Variants in ARHGAP42 observed in about 807,000 individuals in gnomAD.
ARHGAP42 encodes Rho GTPase activating protein 42.
ARHGAP42 carries 63 observed loss-of-function variants against 125.0 expected under a neutral mutation model. That is an observed-to-expected ratio of 0.50 (90% CI 0.41 to 0.62). ARHGAP42 has a LOEUF of 0.62. Among genes scored for constraint, ARHGAP42 ranks in the 20% least tolerant of loss-of-function variants. ARHGAP42 has a pLI of 0.00. For synonymous variants in ARHGAP42, 339 were observed against 351.0 expected (o/e 0.97, Z 0.38); for missense variants, 766 against 1,024.2 (o/e 0.75, Z 3.44).
Position 100,992,575 on chromosome 11 carries a change from A to G in ARHGAP42, c.*3774A>G. 1 of 1,614,070 alleles carries G rather than the reference A, an allele frequency of 6.2e-7. No homozygotes were observed. Among genetic ancestry groups the G allele is most frequent in the Non-Finnish European group, 8.5e-7 (1 of 1,179,972 alleles). ...TTCGCAGATGTAATATCGAGTATTCATCAACTGGTCTCAATTTCCTGAACA... is the reference window on the plus strand; with the variant it reads ...TTCGCAGATGTAATATCGAGTATTCGTCAACTGGTCTCAATTTCCTGAACA... On this transcript the variant is annotated 3_prime_UTR_variant, in exon 24 of 24. Transcript: ENST00000298815.
intron 4 of ARHGAP42, among the ~76,000 whole-genome samples, chr11:100,881,999 A>G (rs547703254): frequency 3.7e-4 from 56 of 152,206 alleles, no homozygotes; most frequent in African/African-American, 1.3e-3. Context: ...TTTTTGGAGG[A>G]GTCTGATTTT....
At chr11:100,814,297 C>T (rs1350705736) in intron 3 of ARHGAP42, among the ~76,000 whole-genome samples, 1 of 146,492 alleles carries the variant, frequency 6.8e-6, no homozygotes, top group Admixed American at 7.0e-5. Context: ...GCAGAGGTTG[C>T]AGTGAGCCAA....
chr11:100,756,658 T>G (rs1205858357), intron 1 of ARHGAP42, among the ~76,000 whole-genome samples: 3 of 152,234 alleles, frequency 2.0e-5, no homozygotes, highest in African/African-American at 7.2e-5. Context: ...GAAAGTCTCT[T>G]TTATTTGCAG....
intron 16 of ARHGAP42, 37 bp downstream of exon 16, chr11:100,962,504 T>C (rs1857981381): frequency 6.8e-7 from 1 of 1,477,388 alleles, no homozygotes; most frequent in Non-Finnish European, 9.2e-7. Flanking sequence ...TTATAATTGA[T>C]GTAGTTTTAT....
In ARHGAP42 at chr11:100,771,874, A is replaced by G. The variant is rs149534922; in HGVS notation, c.250+1436A>G. On this transcript the variant is annotated intron_variant, in intron 2 of 23. Transcript: ENST00000298815. ...CTTGGCCTCCCAAAGTGCTAGGATTACAGACGTGAGCCACTGCGCCCGGCT... is the reference window on the plus strand; with the variant it reads ...CTTGGCCTCCCAAAGTGCTAGGATTGCAGACGTGAGCCACTGCGCCCGGCT... 3.3e-3 allele frequency among the ~76,000 whole-genome samples: 500 copies of G among 152,210 alleles called. 2 individuals carry two copies. The highest frequency in any genetic ancestry group is 3.5e-3 in the Non-Finnish European group (237 of 68,014).
intron 4 of ARHGAP42, among the ~76,000 whole-genome samples, chr11:100,884,329 G>A (rs530136709): frequency 1.3e-5 from 2 of 152,016 alleles, no homozygotes; most frequent in Admixed American, 6.6e-5. Context: ...TCTTGCTGTT[G>A]GTTTAGAATA....
intron 6 of ARHGAP42, among the ~76,000 whole-genome samples, chr11:100,930,452 G>A (rs1051618904): frequency 1.3e-5 from 2 of 152,152 alleles, no homozygotes; most frequent in East Asian, 3.8e-4. Context: ...AAAAGGAAAA[G>A]GTGTATGATT....
At chr11:100,793,898 C>T (rs1863637173) in intron 2 of ARHGAP42, among the ~76,000 whole-genome samples, 1 of 151,798 alleles carries the variant, frequency 6.6e-6, no homozygotes, top group East Asian at 1.9e-4. Flanking sequence ...TAGTGAGACC[C>T]TGTCTCTACA....
At chr11:100,841,231 G>A (rs557823822) in intron 3 of ARHGAP42, among the ~76,000 whole-genome samples, 1 of 152,154 alleles carries the variant, frequency 6.6e-6, no homozygotes, top group African/African-American at 2.4e-5. Context: ...GCTCTTGTCA[G>A]TGTAGAATCA....
At chr11:100,768,509 A>G (rs1862887730) in intron 1 of ARHGAP42, among the ~76,000 whole-genome samples, 1 of 152,154 alleles carries the variant, frequency 6.6e-6, no homozygotes, top group Non-Finnish European at 1.5e-5. Flanking sequence ...AGCCTGACTA[A>G]AATTTGGCCA....
rs542270738 is a variant in ARHGAP42, at chr11:100,746,096, T to C, written c.155-24247T>C. ...ACTAAAGCATAAGTGCCACTTCAGTTACTTGGCACAGTGTCCAGTAAAGGT... is the reference window on the plus strand; with the variant it reads ...ACTAAAGCATAAGTGCCACTTCAGTCACTTGGCACAGTGTCCAGTAAAGGT... On this transcript the variant is annotated intron_variant, in intron 1 of 23. Transcript: ENST00000298815. Among the ~76,000 whole-genome samples the C allele has an allele frequency of 2.0e-5, 3 of 152,330 alleles. No individual in the cohort carries two copies. In the East Asian group the frequency reaches 5.8e-4, roughly 29 times the overall value.
At chr11:100,815,209 G>A (rs1392730529) in intron 3 of ARHGAP42, among the ~76,000 whole-genome samples, 2 of 152,208 alleles carry the variant, frequency 1.3e-5, no homozygotes, top group Non-Finnish European at 2.9e-5. Context: ...GATGTATGAA[G>A]GGTATTATAT....
intron 2 of ARHGAP42, among the ~76,000 whole-genome samples, chr11:100,778,365 A>T (rs1485145253): frequency 2.6e-5 from 4 of 152,184 alleles, no homozygotes; most frequent in Non-Finnish European, 5.9e-5. Flanking sequence ...TCAAAAAAAA[A>T]ATATCCATCA....
intron 17 of ARHGAP42, among the ~76,000 whole-genome samples, chr11:100,969,158 T>C (rs1414094387): frequency 6.6e-6 from 1 of 152,174 alleles, no homozygotes; most frequent in African/African-American, 2.4e-5. Context: ...GACTTTTTTT[T>C]TCTTTAAGCA....
Position 100,988,795 on chromosome 11 carries a change from C to T in ARHGAP42, c.2619C>T (p.Phe873=). ...TAGTTCCAGAAAATTATGTTGTCTT[C>T]CTCTAATACTATTTAGTGGATGGCA... is the stretch of plus-strand genomic sequence containing the variant. ...TGLVPENYVV[F]L Residue 873 remains phenylalanine (F), a synonymous_variant, in exon 24 of 24, where the codon TTC becomes TTT. Coordinates refer to ENST00000298815, the MANE Select transcript of ARHGAP42 (RefSeq NM_152432.4). 6.5e-7 allele frequency: 1 copy of T among 1,547,230 alleles called. No homozygotes were observed.
Position 100,858,086 on chromosome 11 carries a change from G to GGGGTGTGTGT in ARHGAP42, c.313-1467_313-1466insGGTGTGTGTG, listed in dbSNP as rs779137957. On this transcript the variant is annotated intron_variant, in intron 3 of 23. Transcript: ENST00000298815. ...GTCGCATCTGTACAATCTGGATAGGGGTGTGTGTGTGTGTGTGTGTGTGTG... is the reference window on the plus strand; with the variant it reads ...GTCGCATCTGTACAATCTGGATAGGGGGGTGTGTGTGTGTGTGTGTGTGTGTGTGTGTGTG... 4.2e-4 allele frequency among the ~76,000 whole-genome samples: 46 copies of GGGGTGTGTGT among 109,018 alleles called. No homozygotes were observed. In the South Asian group the frequency reaches 0.011, roughly 26 times the overall value. 71.5% of individuals were successfully genotyped at this position (109,018 alleles called of 152,430 possible).
rs1047361724 is a variant in ARHGAP42, at chr11:100,923,603, G to A, written c.597+1999G>A. Among the ~76,000 whole-genome samples the A allele has an allele frequency of 9.9e-5, 15 of 152,210 alleles. 1 individual carries two copies. The highest frequency in any genetic ancestry group is 3.6e-4 in the African/African-American group (15 of 41,468). ...GGCAGAAGGAATGACAAGAATTTATGAATTCCTGTAAAAATACAGTAGAGA... is the reference window on the plus strand; with the variant it reads ...GGCAGAAGGAATGACAAGAATTTATAAATTCCTGTAAAAATACAGTAGAGA... On this transcript the variant is annotated intron_variant, in intron 6 of 23. Transcript: ENST00000298815.
chr11:100,699,502 ATATATTTTTTTTTTTTTTTT>A (rs1245473927), intron 1 of ARHGAP42, among the ~76,000 whole-genome samples: 5 of 40,946 alleles, frequency 1.2e-4, no homozygotes, highest in Admixed American at 8.9e-4. Flanking sequence ...ATATATATAT[ATATATTTTTTTTTTTTTTTT>A]TTTTTTTTTT....
At chr11:100,781,625 G>A (rs184857332) in intron 2 of ARHGAP42, among the ~76,000 whole-genome samples, 6 of 152,180 alleles carry the variant, frequency 3.9e-5, no homozygotes, top group Admixed American at 1.3e-4. Flanking sequence ...CTCACCCCAA[G>A]GGGGTTTGTA....
Sources: gnomAD v4.1 joint callset for allele counts (sites outside exome capture counted in the v4.1 genomes callset) on GRCh38, gnomAD v4.1.1 for gene constraint, MANE v1.5 for transcripts, NCBI Gene and HGNC (gene_info 2026-07-23, HGNC 2026-07-21) for gene names.